The following LRRCC1 variants were observed in gnomAD, a reference collection of about 807,000 sequenced individuals.
LRRCC1 encodes leucine rich repeat and coiled-coil centrosomal protein 1.
In LRRCC1, 115 loss-of-function variants were observed where a neutral mutation model predicts 126.0. The ratio of observed to expected loss-of-function variants is 0.91; its 90% CI spans 0.78 to 1.07. LRRCC1 has a LOEUF of 1.07. LRRCC1 is among the 50% of genes least tolerant of loss of function. The pLI is 0.00. For synonymous variants in LRRCC1, 400 were observed against 393.4 expected, an observed-to-expected ratio of 1.02 and a Z score of -0.20; for missense variants, 1,172 against 1,175.7, an observed-to-expected ratio of 1.00 and a Z score of 0.05.
At position 85,124,861 on chromosome 8, in the gene LRRCC1, T is replaced by C. The variant is rs202079093; in HGVS notation, c.1194T>C (p.Pro398=). 3.6e-5 allele frequency: 57 copies of C among 1,605,088 alleles called. No homozygotes were observed. Among genetic ancestry groups the C allele is most frequent in the Non-Finnish European group, 4.5e-5 (53 of 1,173,920 alleles). The change falls in exon 8 of 19, where the codon CCT becomes CCC. Residue 398 remains proline, a synonymous_variant. Coordinates refer to ENST00000360375, the MANE Select transcript of LRRCC1 (RefSeq NM_033402.5). ...TAAGCTCATCTTTAGCAAACTGTCC[T>C]ATGTTACAAGAATCAGAAAAGCCAA... ...LYVSSSLANC[P]MLQESEKPKT...
chr8:85,116,175 C>G (rs1809110185), intron 6 of LRRCC1, among the ~76,000 whole-genome samples: 1 of 152,152 alleles, frequency 6.6e-6, no homozygotes, highest in Non-Finnish European at 1.5e-5. Context: ...CTATTCAGGT[C>G]TCCAACCCTC....
chr8:85,142,053 T>C (rs780693943), intron 18 of LRRCC1, among the ~76,000 whole-genome samples: 1 of 152,168 alleles, frequency 6.6e-6, no homozygotes, highest in Non-Finnish European at 1.5e-5. Context: ...CCCAGCACTT[T>C]GGGAGGCCAA....
intron 1 of LRRCC1, among the ~76,000 whole-genome samples, chr8:85,108,201 CT>C (rs1470528232): frequency 2.2e-4 from 33 of 152,350 alleles, no homozygotes; most frequent in African/African-American, 7.7e-4. Flanking sequence ...AACTCTGCTA[CT>C]GATAATTAAG....
chr8:85,143,950 A>T (rs1676592791), intron 18 of LRRCC1, among the ~76,000 whole-genome samples: 2 of 152,160 alleles, frequency 1.3e-5, no homozygotes, highest in Admixed American at 6.5e-5. Context: ...GGGAAAAGAG[A>T]TTGAGAGATC....
rs1420046131 is a variant in LRRCC1 at position 85,135,875 on chromosome 8, G to T, written c.2241G>T (p.Gln747His). 2 of 1,607,860 alleles carry T rather than the reference G, an allele frequency of 1.2e-6. No individual in the cohort carries two copies. Among genetic ancestry groups the T allele is most frequent in the Admixed American group, 1.7e-5 (1 of 59,454 alleles). The change falls in exon 14 of 19, where the codon CAG (glutamine) becomes CAT (histidine). Residue 747 changes from glutamine to histidine, a missense_variant. By Grantham distance (24) the Gln-to-His change is conservative. Coordinates refer to ENST00000360375, the MANE Select transcript of LRRCC1 (RefSeq NM_033402.5). ...QIELLKHEKV[Q>H]LISELAAKES... is the part of the protein sequence containing the mutation. ...AACTTCTCAAGCACGAAAAAGTCCA[G>T]CTTATTTCTGAGCTAGCAGCCAAGG... is the stretch of plus-strand genomic sequence containing the variant.
chr8:85,134,033 A>G (rs766008332), intron 12 of LRRCC1, among the ~76,000 whole-genome samples: 3 of 152,072 alleles, frequency 2.0e-5, no homozygotes, highest in Non-Finnish European at 4.4e-5. Context: ...CCTCCAATGT[A>G]TCAGGCACAT....
chr8:85,133,355 G>A (rs1810625064), intron 12 of LRRCC1, among the ~76,000 whole-genome samples: 1 of 151,754 alleles, frequency 6.6e-6, no homozygotes, highest in Non-Finnish European at 1.5e-5. Context: ...TTTCTCTTTT[G>A]TCCACAGTTT....
intron 4 of LRRCC1, among the ~76,000 whole-genome samples, chr8:85,113,386 A>G (rs546528981): frequency 1.3e-5 from 2 of 152,162 alleles, no homozygotes; most frequent in South Asian, 2.1e-4. Flanking sequence ...GTATAATACT[A>G]TGCAGCCACA....
chr8:85,107,984 A>G (rs1808395440), intron 1 of LRRCC1, among the ~76,000 whole-genome samples: 1 of 152,230 alleles, frequency 6.6e-6, no homozygotes, highest in Admixed American at 6.5e-5. Flanking sequence ...CTCTCTCTTG[A>G]AGCCCTGACT....
chr8:85,109,877 A>C (rs1468474866), intron 2 of LRRCC1, 77 bp downstream of exon 2: 4 of 743,164 alleles, frequency 5.4e-6, no homozygotes, highest in Non-Finnish European at 8.6e-6. Flanking sequence ...AAAGAATGGA[A>C]TAAATATCAG....
In LRRCC1 at chr8:85,110,147, A is replaced by T. The variant is rs1000851939; in HGVS notation, c.343A>T (p.Asn115Tyr). Reference sequence around the variant, plus strand: ...AGAACTAATTAATCTGACTAGACTAAATGTATCTTATAACCACATAGATGA... The same window carrying T: ...AGAACTAATTAATCTGACTAGACTATATGTATCTTATAACCACATAGATGA... ...LEELINLTRL[N>Y]VSYNHIDDLS... Residue 115 changes from asparagine (N) to tyrosine (Y), a missense_variant, in exon 3 of 19, where the codon AAT (asparagine) becomes TAT (tyrosine). Coordinates refer to ENST00000360375, the MANE Select transcript of LRRCC1 (RefSeq NM_033402.5). The T allele has an allele frequency of 2.2e-6, 3 of 1,341,708 alleles. No homozygotes were observed. The highest frequency in any genetic ancestry group is 1.5e-5 in the African/African-American group (1 of 67,410). 83.1% of individuals were successfully genotyped at this position (1,341,708 alleles called of 1,614,324 possible). A position where few individuals can be genotyped will look rare whatever the true frequency, so the allele number is the denominator to read the frequency against.
At position 85,123,593 on chromosome 8, in the gene LRRCC1, A is replaced by T. The variant is rs763659208; in HGVS notation, c.1111A>T (p.Asn371Tyr). 1 of 1,575,274 alleles carries T rather than the reference A, an allele frequency of 6.3e-7. No homozygotes were observed. Among genetic ancestry groups the T allele is most frequent in the Non-Finnish European group, 8.6e-7 (1 of 1,168,348 alleles). The change falls in exon 7 of 19, where the codon AAC becomes TAC. Residue 371 changes from asparagine (N) to tyrosine (Y), a missense_variant. Transcript: ENST00000360375. Reference protein sequence around the residue: ...QTIKHHNKNYNSFVSCNRKMK... With the variant: ...QTIKHHNKNYYSFVSCNRKMK... ...TATTAAGCACCACAATAAAAACTAC[A>T]ACTCTTTTGTAAGGTACTTGTTTTA...
intron 18 of LRRCC1, among the ~76,000 whole-genome samples, chr8:85,144,241 A>G (rs887434359): frequency 3.9e-5 from 6 of 151,918 alleles, no homozygotes; most frequent in African/African-American, 1.2e-4. Context: ...TTAAAAATCT[A>G]TAAGGAACTG....
At chr8:85,125,670 CAAAAAA>C (rs71273921) in intron 8 of LRRCC1, among the ~76,000 whole-genome samples, 4 of 51,924 alleles carry the variant, frequency 7.7e-5, no homozygotes, top group African/African-American at 2.8e-4. Context: ...GAGACTCCGT[CAAAAAA>C]AAAAAAAAAA....
At chr8:85,119,528 G>A (rs1393275005) in intron 6 of LRRCC1, among the ~76,000 whole-genome samples, 1 of 144,396 alleles carries the variant, frequency 6.9e-6, no homozygotes, top group Non-Finnish European at 1.5e-5. Flanking sequence ...GTCTTGCTCT[G>A]TCACCCAAGC....
chr8:85,142,223 G>T (rs1289192694), intron 18 of LRRCC1, among the ~76,000 whole-genome samples: 1 of 152,088 alleles, frequency 6.6e-6, no homozygotes, highest in African/African-American at 2.4e-5. Flanking sequence ...GAACCCGGAG[G>T]TGGAGGTTGC....
chr8:85,110,123 GA>G lies in LRRCC1; in HGVS notation c.321del (p.Glu107AspfsTer2). ...TTACTTTTTTTTTTTAGGACTTGAA[GA>G]ACTAATTAATCTGACTAGACTAAAT... ...NLITKVEGLE[E>X]LINLTRLNVS... is the part of the protein sequence containing the mutation. On this transcript the variant is annotated frameshift_variant, in exon 3 of 19. Coordinates refer to ENST00000360375, the MANE Select transcript of LRRCC1 (RefSeq NM_033402.5). LOFTEE classifies it high-confidence loss of function. 1 of 1,213,840 alleles carries G rather than the reference GA, an allele frequency of 8.2e-7. No individual in the cohort carries two copies. Among genetic ancestry groups the G allele is most frequent in the South Asian group, 1.5e-5 (1 of 67,642 alleles). 75.2% of individuals were successfully genotyped at this position (1,213,840 alleles called of 1,614,324 possible). A position where few individuals can be genotyped will look rare whatever the true frequency, so the allele number is the denominator to read the frequency against.
intron 6 of LRRCC1, 110 bp from the exon 7 acceptor site, chr8:85,123,303 G>T: frequency 1.4e-6 from 1 of 728,504 alleles, no homozygotes; most frequent in Non-Finnish European, 2.2e-6. Context: ...AACATTTCTA[G>T]TTTATAAACC....
chr8:85,126,303 T>C (rs1477201366), intron 8 of LRRCC1, among the ~76,000 whole-genome samples: 3 of 152,154 alleles, frequency 2.0e-5, no homozygotes, highest in Non-Finnish European at 2.9e-5. Flanking sequence ...ACACCTGTAA[T>C]CCCAACACTT....
Sources: allele counts gnomAD v4.1 joint callset (sites outside exome capture counted in the v4.1 genomes callset), GRCh38; gene constraint gnomAD v4.1.1; transcripts MANE v1.5; gene names NCBI Gene and HGNC (gene_info 2026-07-23, HGNC 2026-07-21).